HPSE2: variants seen among roughly 807,000 people sequenced by gnomAD.
The protein encoded by HPSE2 is heparanase 2 (inactive), also known as inactive heparanase-2.
A neutral mutation model predicts 60.5 loss-of-function variants in HPSE2; 38 were observed. That is an observed-to-expected ratio of 0.63 (90% CI 0.48 to 0.82). The LOEUF (loss-of-function observed/expected upper bound fraction) is 0.82, where lower values mean the gene tolerates loss of function less well. Among genes scored for constraint, HPSE2 ranks in the 40% least tolerant of loss-of-function variants. HPSE2 has a pLI of 0.00. For synonymous variants in HPSE2, 295 were observed against 293.2 expected (o/e 1.01, Z -0.06); for missense variants, 713 against 740.4 (o/e 0.96, Z 0.43).
At chr10:98,464,591 T>C (rs1940447251) in intron 11 of HPSE2, among the ~76,000 whole-genome samples, 1 of 152,232 alleles carries the variant, frequency 6.6e-6, no homozygotes, top group Non-Finnish European at 1.5e-5. Flanking sequence ...GTGGCCCTTA[T>C]TGTAGTGAGT....
chr10:98,549,590 C>T (rs779153272), intron 9 of HPSE2, among the ~76,000 whole-genome samples: 1 of 152,174 alleles, frequency 6.6e-6, no homozygotes, highest in Non-Finnish European at 1.5e-5. Flanking sequence ...AAAGCCCTTG[C>T]CCCTTTCAAA....
chr10:99,132,146 G>GAAGGAAGAAAGA (rs1845413704), intron 3 of HPSE2, among the ~76,000 whole-genome samples: 2 of 28,550 alleles, frequency 7.0e-5, no homozygotes, highest in East Asian at 1.5e-3. Flanking sequence ...AGAAAGAAAG[G>GAAGGAAGAAAGA]AAGAAAGAAA....
chr10:98,464,223 G>T (rs1258232323), intron 11 of HPSE2, among the ~76,000 whole-genome samples: 1 of 152,202 alleles, frequency 6.6e-6, no homozygotes, highest in African/African-American at 2.4e-5. Flanking sequence ...ATTCCCAATA[G>T]ATTTTTTTTG....
At chr10:98,586,376 C>T (rs536272459) in intron 9 of HPSE2, among the ~76,000 whole-genome samples, 4 of 152,264 alleles carry the variant, frequency 2.6e-5, no homozygotes, top group African/African-American at 9.6e-5. Flanking sequence ...GCCAGGCATT[C>T]TGTGCTTTAA....
chr10:98,956,821 G>C (rs1955521426), intron 3 of HPSE2, among the ~76,000 whole-genome samples: 1 of 151,978 alleles, frequency 6.6e-6, no homozygotes, highest in African/African-American at 2.4e-5. Flanking sequence ...AGGCCTCTCT[G>C]AGGAGTCATA....
intron 9 of HPSE2, among the ~76,000 whole-genome samples, chr10:98,511,862 G>A (rs1188133145): frequency 6.6e-6 from 1 of 152,188 alleles, no homozygotes; most frequent in African/African-American, 2.4e-5. Flanking sequence ...AATCTCAACA[G>A]TTTTTGCTTC....
intron 11 of HPSE2, among the ~76,000 whole-genome samples, chr10:98,471,336 G>A (rs916931886): frequency 2.0e-5 from 3 of 152,118 alleles, no homozygotes; most frequent in African/African-American, 7.2e-5. Flanking sequence ...GCTGGGGTGT[G>A]GCTTGGGCAT....
chr10:98,855,721 G>C (rs1282835682), intron 3 of HPSE2, among the ~76,000 whole-genome samples: 2 of 152,082 alleles, frequency 1.3e-5, no homozygotes, highest in African/African-American at 2.4e-5. Context: ...GCCAATCTAA[G>C]ACTAAGGCTG....
At chr10:99,281,176 ATAT>A in the HPSE2 span, among the ~76,000 whole-genome samples, 2 of 149,360 alleles carry the variant, frequency 1.3e-5, no homozygotes, top group African/African-American at 2.4e-5. Flanking sequence ...TAACTTATTA[ATAT>A]TATCTTATTA....
At chr10:99,276,249 G>A in the HPSE2 span, among the ~76,000 whole-genome samples, 5 of 151,998 alleles carry the variant, frequency 3.3e-5, no homozygotes, top group South Asian at 4.2e-4. Flanking sequence ...CTATATACTC[G>A]GTGCTTCATA....
intron 3 of HPSE2, among the ~76,000 whole-genome samples, chr10:98,745,070 C>T (rs1236731541): frequency 1.3e-5 from 2 of 151,918 alleles, no homozygotes; most frequent in Admixed American, 6.6e-5. Flanking sequence ...GGCGCGGTGG[C>T]GGCTGCCTGT....
At chr10:98,937,057 C>T (rs1290562480) in intron 3 of HPSE2, among the ~76,000 whole-genome samples, 2 of 136,950 alleles carry the variant, frequency 1.5e-5, no homozygotes, top group African/African-American at 3.0e-5. Context: ...TCCTCCTCTA[C>T]AACAATATAC....
intron 2 of HPSE2, among the ~76,000 whole-genome samples, chr10:99,147,864 T>C (rs1428141471): frequency 6.6e-6 from 1 of 152,164 alleles, no homozygotes; most frequent in Non-Finnish European, 1.5e-5. Context: ...AATTCAAAAT[T>C]ATCTTGGAAA....
At chr10:98,902,863 A>C (rs1216698318) in intron 3 of HPSE2, among the ~76,000 whole-genome samples, 1 of 152,186 alleles carries the variant, frequency 6.6e-6, no homozygotes, top group Non-Finnish European at 1.5e-5. Flanking sequence ...AGATGGATAG[A>C]TAGGTGACAA....
intron 3 of HPSE2, among the ~76,000 whole-genome samples, chr10:98,819,468 C>G (rs1951372000): frequency 1.5e-5 from 2 of 134,164 alleles, no homozygotes; most frequent in Admixed American, 8.1e-5. Context: ...AGTTCACTTA[C>G]TTGGAAGGGA....
intron 9 of HPSE2, among the ~76,000 whole-genome samples, chr10:98,516,381 T>G (rs1478140938): frequency 6.6e-6 from 1 of 152,212 alleles, no homozygotes; most frequent in Non-Finnish European, 1.5e-5. Context: ...ATGAATGTAC[T>G]AAAATTATGT....
At chr10:98,479,929 C>T (rs1941169301) in intron 11 of HPSE2, among the ~76,000 whole-genome samples, 2 of 152,154 alleles carry the variant, frequency 1.3e-5, no homozygotes, top group African/African-American at 4.8e-5. Context: ...GGTTTGATCA[C>T]AAAGATAAAT....
intron 3 of HPSE2, among the ~76,000 whole-genome samples, chr10:98,886,467 G>T (rs1953168424): frequency 6.6e-6 from 1 of 152,072 alleles, no homozygotes; most frequent in African/African-American, 2.4e-5. Flanking sequence ...AAAATGTCTA[G>T]CCAGGAATTA....
chr10:98,520,321 C>T (rs147608794), intron 9 of HPSE2, among the ~76,000 whole-genome samples: 287 of 152,338 alleles, frequency 1.9e-3, no homozygotes, highest in Middle Eastern at 3.4e-3. Flanking sequence ...CTGCAGACAA[C>T]GAGGCCAGTG....
Sources: gnomAD v4.1 joint callset for allele counts (sites outside exome capture counted in the v4.1 genomes callset) on GRCh38, gnomAD v4.1.1 for gene constraint, MANE v1.5 for transcripts, NCBI Gene and HGNC (gene_info 2026-07-23, HGNC 2026-07-21) for gene names.